The following CADPS variants were observed in gnomAD, a reference collection of about 807,000 sequenced individuals.
The protein encoded by CADPS is calcium-dependent secretion activator 1.
In CADPS, 57 loss-of-function variants were observed where a neutral mutation model predicts 167.3. That is an observed-to-expected ratio of 0.34 (90% CI 0.28 to 0.42). The LOEUF is 0.42. Among genes scored for constraint, CADPS ranks in the 20% least tolerant of loss-of-function variants. CADPS has a pLI of 1.00. For missense variants in CADPS, 1,414 were observed against 1,738.1 expected (o/e 0.81, Z 3.32); for synonymous variants, 676 against 635.3 (o/e 1.06, Z -0.96).
Position 62,536,488 on chromosome 3 carries a change from C to T in CADPS, c.2060G>A (p.Arg687His), listed in dbSNP as rs573592664. 1.9e-5 allele frequency: 31 copies of T among 1,613,202 alleles called. No homozygotes were observed. Among genetic ancestry groups the T allele is most frequent in the South Asian group, 3.3e-5 (3 of 91,046 alleles). The change falls in exon 12 of 30, where the codon CGC becomes CAC. Residue 687 changes from arginine to histidine, a missense_variant. This residue lies in a region of CADPS where 529 missense variants were observed against 629.6 expected (regional missense o/e 0.84). Transcript: ENST00000383710. ...DHASLFEMVQ[R>H]LTLDHRLNDS... Reference sequence around the variant, plus strand: ...ATTAAGTCTGTGATCCAAAGTAAGGCGTTGTACCATCTCAAAGAGGGAAGC... The same window carrying T: ...ATTAAGTCTGTGATCCAAAGTAAGGTGTTGTACCATCTCAAAGAGGGAAGC...
Position 62,874,333 on chromosome 3 carries a change from T to TG in CADPS, c.441+255dup, listed in dbSNP as rs1354620053. ...GCCTCGCTCACCAACGCTCCCGGGC[T>TG]GGGGGGGCTCGAGCAAGCGGCGCTG... On this transcript the variant is annotated intron_variant, in intron 1 of 29. Coordinates refer to ENST00000383710, the MANE Select transcript of CADPS (RefSeq NM_003716.4). This position sits in a 1 kb window ranked among gnomAD's most constrained non-coding sequence, Gnocchi z 7.1. Among the ~76,000 whole-genome samples, 4 of 152,078 alleles carry TG rather than the reference T, an allele frequency of 2.6e-5. No individual in the cohort carries two copies. Among genetic ancestry groups the TG allele is most frequent in the South Asian group, 2.1e-4 (1 of 4,834 alleles).
chr3:62,785,631 GA>G (rs2092343708), intron 1 of CADPS, among the ~76,000 whole-genome samples: 1 of 152,158 alleles, frequency 6.6e-6, no homozygotes, highest in Non-Finnish European at 1.5e-5. Context: ...CTGATGATAA[GA>G]AAGTAAGCAC....
In CADPS at chr3:62,465,592, G is replaced by T; in HGVS notation, c.3553-142C>A. ...GTCTATTATTTGATTCCCGCCTTCG[G>T]AGAAAGGAATAGACTGCCTTTACAT... On this transcript the variant is annotated intron_variant, in intron 25 of 29. Coordinates refer to ENST00000383710, the MANE Select transcript of CADPS (RefSeq NM_003716.4). This position sits in a 1 kb window ranked among gnomAD's most constrained non-coding sequence, Gnocchi z 4.1. 1.8e-6 allele frequency: 1 copy of T among 545,052 alleles called. No individual in the cohort carries two copies. Among genetic ancestry groups the T allele is most frequent in the Non-Finnish European group, 3.3e-6 (1 of 305,640 alleles). The allele number at this position is 545,052 out of a possible 1,614,324, so 33.8% of individuals were successfully genotyped here. A position where few individuals can be genotyped will look rare whatever the true frequency, so the allele number is the denominator to read the frequency against.
intron 6 of CADPS, among the ~76,000 whole-genome samples, chr3:62,610,938 T>A (rs1433953387): frequency 6.6e-6 from 1 of 151,846 alleles, no homozygotes; most frequent in Admixed American, 6.6e-5. Context: ...GTCTAGAGAC[T>A]CATTTTTCGG....
At chr3:62,761,010 G>A (rs2085269143) in intron 2 of CADPS, among the ~76,000 whole-genome samples, 2 of 152,128 alleles carry the variant, frequency 1.3e-5, no homozygotes, top group African/African-American at 4.8e-5. Flanking sequence ...CAGTAAGACT[G>A]CCACTTCTTG....
rs200625785 is a variant in CADPS, at chr3:62,550,042, T to C, written c.1827A>G (p.Glu609=). ...GDTVIFASDD[E]QDRILWVQAM... is the part of the protein sequence containing the mutation. Reference sequence around the variant, plus strand: ...CCTGGACCCACAGGATGCGGTCTTGTTCATCGTCACTGGCAAATATCACGG... The same window carrying C: ...CCTGGACCCACAGGATGCGGTCTTGCTCATCGTCACTGGCAAATATCACGG... Residue 609 remains glutamate (E), a synonymous_variant, in exon 11 of 30, where the codon GAA becomes GAG. Transcript: ENST00000383710. 1.2e-6 allele frequency: 2 copies of C among 1,614,098 alleles called. No individual in the cohort carries two copies. Among genetic ancestry groups the C allele is most frequent in the East Asian group, 4.5e-5 (2 of 44,874 alleles).
chr3:62,814,387 C>T (rs1459697438), intron 1 of CADPS: 1 of 152,082 alleles, frequency 6.6e-6, no homozygotes, highest in Non-Finnish European at 1.5e-5. Flanking sequence ...TACACATGCT[C>T]GCTCACTTGG....
At chr3:62,572,496 T>G (rs1371293989) in intron 8 of CADPS, among the ~76,000 whole-genome samples, 1 of 152,150 alleles carries the variant, frequency 6.6e-6, no homozygotes, top group Non-Finnish European at 1.5e-5. Context: ...ATCATGCCTT[T>G]TCCAAGCTAA....
chr3:62,558,322 C>T (rs1220182381), intron 9 of CADPS, among the ~76,000 whole-genome samples: 3 of 152,216 alleles, frequency 2.0e-5, no homozygotes, highest in African/African-American at 4.8e-5. Context: ...GCTGCAGGCC[C>T]GCCTTCAGGA....
intron 1 of CADPS, among the ~76,000 whole-genome samples, chr3:62,813,113 A>G (rs2094460367): frequency 6.6e-6 from 1 of 152,144 alleles, no homozygotes; most frequent in Non-Finnish European, 1.5e-5. Context: ...AAAAAAAACT[A>G]TTTTAAAATC....
intron 1 of CADPS, among the ~76,000 whole-genome samples, chr3:62,782,014 T>G (rs2091725442): frequency 6.6e-6 from 1 of 152,156 alleles, no homozygotes; most frequent in African/African-American, 2.4e-5. Flanking sequence ...TCCTAATGTC[T>G]CCCTTTACCA....
At chr3:62,475,596 A>C (rs1316032550) in intron 23 of CADPS, among the ~76,000 whole-genome samples, 6 of 144,934 alleles carry the variant, frequency 4.1e-5, no homozygotes, top group East Asian at 3.9e-4. Flanking sequence ...AAAAAAAAAA[A>C]AAAAAAAAAA....
At chr3:62,723,511 T>C (rs2152017298) in intron 3 of CADPS, among the ~76,000 whole-genome samples, 1 of 152,144 alleles carries the variant, frequency 6.6e-6, no homozygotes, top group Admixed American at 6.5e-5. Flanking sequence ...ATTTGATCTA[T>C]CAAGTAGCTG....
At chr3:62,501,523 C>T (rs1261711612) in intron 17 of CADPS, among the ~76,000 whole-genome samples, 1 of 152,158 alleles carries the variant, frequency 6.6e-6, no homozygotes, top group African/African-American at 2.4e-5. Flanking sequence ...CCCACATACA[C>T]ACATCACACA....
intron 26 of CADPS, among the ~76,000 whole-genome samples, chr3:62,461,821 C>T (rs1195798496): frequency 6.6e-6 from 1 of 152,210 alleles, no homozygotes; most frequent in Non-Finnish European, 1.5e-5. Flanking sequence ...AATTTTCTTT[C>T]ATTTTTAATT....
At chr3:62,767,421 C>G (rs949771452) in intron 1 of CADPS, among the ~76,000 whole-genome samples, 3 of 152,078 alleles carry the variant, frequency 2.0e-5, no homozygotes, top group African/African-American at 7.2e-5. Context: ...TACCCATTGT[C>G]CTGGGATAGT....
At chr3:62,403,318 A>G in intron 28 of CADPS, 133 bp from the exon 29 acceptor site, 1 of 629,726 alleles carries the variant, frequency 1.6e-6, no homozygotes, top group Non-Finnish European at 2.8e-6. Context: ...ATTTGAGAGC[A>G]TAGAGTTTAA....
intron 6 of CADPS, among the ~76,000 whole-genome samples, chr3:62,623,738 C>T (rs145016263): frequency 3.1e-4 from 47 of 152,168 alleles, no homozygotes; most frequent in Admixed American, 3.3e-4. Flanking sequence ...AAAATGTTGC[C>T]AACAAGAACA....
At chr3:62,521,892 T>C (rs531286151) in intron 13 of CADPS, among the ~76,000 whole-genome samples, 1 of 152,282 alleles carries the variant, frequency 6.6e-6, no homozygotes, top group East Asian at 1.9e-4. Context: ...AGCCACTCCA[T>C]ATCTAAGCTG....
Sources: gnomAD v4.1 joint callset for allele counts (sites outside exome capture counted in the v4.1 genomes callset) on GRCh38, gnomAD v4.1.1 for gene constraint, gnomAD v4.1.1 regional missense constraint, Gnocchi (gnomAD v3.1) non-coding constraint, MANE v1.5 for transcripts, NCBI Gene and HGNC (gene_info 2026-07-23, HGNC 2026-07-21) for gene names.